ULK4: variants seen among roughly 807,000 people sequenced by gnomAD.
ULK4 encodes the protein unc-51 like kinase 4.
ULK4 carries 133 observed loss-of-function variants against 160.6 expected under a neutral mutation model. The observed-to-expected ratio is 0.83, with a 90% CI of 0.72 to 0.96. The LOEUF (loss-of-function observed/expected upper bound fraction) is 0.96, where lower values mean the gene tolerates loss of function less well. ULK4 is among the 40% of genes least tolerant of loss of function. ULK4 has a pLI of 0.00. For missense variants in ULK4, 1,580 were observed against 1,499.5 expected (o/e 1.05, Z -0.89); for synonymous variants, 534 against 539.8 (o/e 0.99, Z 0.15).
intron 30 of ULK4, among the ~76,000 whole-genome samples, chr3:41,657,047 TC>T: frequency 6.6e-6 from 1 of 152,030 alleles, no homozygotes; most frequent in Non-Finnish European, 1.5e-5. Flanking sequence ...AACACTTCCC[TC>T]CCAATGAAAC....
intron 21 of ULK4, among the ~76,000 whole-genome samples, chr3:41,773,244 T>C (rs1391047647): frequency 6.6e-6 from 1 of 152,132 alleles, no homozygotes; most frequent in African/African-American, 2.4e-5. Flanking sequence ...GAGAAGGAAA[T>C]AAAGGGCATT....
At chr3:41,645,966 T>C (rs993471644) in intron 30 of ULK4, among the ~76,000 whole-genome samples, 2 of 152,220 alleles carry the variant, frequency 1.3e-5, no homozygotes, top group Non-Finnish European at 2.9e-5. Context: ...TGGTCTCTTT[T>C]GATCTTTGTT....
chr3:41,637,594 T>C (rs934674386), intron 30 of ULK4, among the ~76,000 whole-genome samples: 1 of 152,202 alleles, frequency 6.6e-6, no homozygotes, highest in Non-Finnish European at 1.5e-5. Context: ...AGCTATAGTT[T>C]TATTTTTTGA....
At position 41,681,527 on chromosome 3, in the gene ULK4, G is replaced by C. The variant is rs374168486; in HGVS notation, c.2959C>G (p.Arg987Gly). ...ACTTACTGGGGAAGTAAGACATCTCGAATGAGAGCCAGAAGATTGCTGTCA... is the reference window on the plus strand; with the variant it reads ...ACTTACTGGGGAAGTAAGACATCTCCAATGAGAGCCAGAAGATTGCTGTCA... Reference protein sequence around the residue: ...DSDSNLLALIRDVLLPQYEHI... With the variant: ...DSDSNLLALIGDVLLPQYEHI... The change falls in exon 29 of 37, where the codon CGA becomes GGA. Residue 987 changes from arginine to glycine, a missense_variant. Arg to Gly is a moderately radical substitution (Grantham distance 125). Coordinates refer to ENST00000301831, the MANE Select transcript of ULK4 (RefSeq NM_017886.4). The C allele has an allele frequency of 7.4e-6, 12 of 1,613,818 alleles. No individual in the cohort carries two copies. Among genetic ancestry groups the C allele is most frequent in the Admixed American group, 3.3e-5 (2 of 59,958 alleles).
chr3:41,714,852 T>TAAAAAAAGAAAA (rs2037211632), intron 25 of ULK4, among the ~76,000 whole-genome samples: 1 of 131,358 alleles, frequency 7.6e-6, no homozygotes, highest in African/African-American at 3.3e-5. Flanking sequence ...ACTCTGTCTT[T>TAAAAAAAGAAAA]AAAAAAAAAA....
chr3:41,572,221 A>T (rs1474894799), intron 31 of ULK4, among the ~76,000 whole-genome samples: 1 of 152,174 alleles, frequency 6.6e-6, no homozygotes, highest in East Asian at 1.9e-4. Flanking sequence ...TAGTGATCAG[A>T]GGAGGGCAGA....
chr3:41,897,745 T>C (rs774817937), intron 14 of ULK4, among the ~76,000 whole-genome samples: 5 of 152,196 alleles, frequency 3.3e-5, no homozygotes, highest in Non-Finnish European at 7.4e-5. Context: ...TTATCAGTAA[T>C]TAAGTTGACC....
Position 41,473,700 on chromosome 3 carries a change from A to G in ULK4, c.3227-10447T>C, listed in dbSNP as rs537278367. Among the ~76,000 whole-genome samples, 6 of 151,158 alleles carry G rather than the reference A, an allele frequency of 4.0e-5. No individual in the cohort carries two copies. The South Asian group carries it at 1.0e-3, about 26-fold the overall frequency. On this transcript the variant is annotated intron_variant, in intron 32 of 36. Transcript: ENST00000301831. ...AAAAAAAAAAGAAGAACTAATAAAT[A>G]CAGTTAAATTTAACAAACTTTCTGA...
In ULK4 at chr3:41,508,390, G is replaced by A. The variant is rs60231851; in HGVS notation, c.3227-45137C>T. ...AAACAAAGGATATAATCTCTTGGGC[G>A]CTCTATGGCCCTGCCCACCACCTGA... is the stretch of plus-strand genomic sequence containing the variant. On this transcript the variant is annotated intron_variant, in intron 32 of 36. Transcript: ENST00000301831. Among the ~76,000 whole-genome samples, 187 of 152,180 alleles carry A rather than the reference G, an allele frequency of 1.2e-3. 3 individuals are homozygous for A. The East Asian group carries it at 0.015, about 12-fold the overall frequency.
At chr3:41,497,033 C>A (rs2085016472) in intron 32 of ULK4, among the ~76,000 whole-genome samples, 4 of 31,402 alleles carry the variant, frequency 1.3e-4, no homozygotes, top group Non-Finnish European at 1.4e-4. Flanking sequence ...GAAATGTAAC[C>A]CATAACCAAA....
chr3:41,932,178 T>G (rs1296376065), intron 4 of ULK4, among the ~76,000 whole-genome samples, 172 bp from the exon 5 acceptor site: 1 of 152,202 alleles, frequency 6.6e-6, no homozygotes, highest in African/African-American at 2.4e-5. Context: ...AAATCCAACT[T>G]TTTAATAATC....
chr3:41,629,363 A>G (rs934579916), intron 30 of ULK4, among the ~76,000 whole-genome samples: 1 of 152,186 alleles, frequency 6.6e-6, no homozygotes, highest in Non-Finnish European at 1.5e-5. Context: ...GCATCTATCT[A>G]TAGCTGCATT....
At chr3:41,320,815 G>A (rs984931953) in intron 35 of ULK4, among the ~76,000 whole-genome samples, 7 of 152,302 alleles carry the variant, frequency 4.6e-5, no homozygotes, top group Admixed American at 4.6e-4. Flanking sequence ...TACTCAGGAG[G>A]CTGAGGCAGG....
chr3:41,560,408 T>C (rs983860765), intron 32 of ULK4, among the ~76,000 whole-genome samples: 5 of 152,196 alleles, frequency 3.3e-5, no homozygotes, highest in Admixed American at 3.3e-4. Flanking sequence ...AGAAAGACAT[T>C]GGTAGTTTGA....
At chr3:41,300,267 C>G (rs958025715) in intron 35 of ULK4, among the ~76,000 whole-genome samples, 7 of 152,138 alleles carry the variant, frequency 4.6e-5, no homozygotes, top group Non-Finnish European at 8.8e-5. Flanking sequence ...CTGCAAAGAA[C>G]TAACTAAGGA....
intron 11 of ULK4, among the ~76,000 whole-genome samples, chr3:41,910,551 G>A (rs994666350): frequency 5.9e-5 from 9 of 151,746 alleles, no homozygotes; most frequent in South Asian, 2.1e-4. Context: ...AGCCAAGATC[G>A]CACCACTGCA....
At chr3:41,437,918 G>A (rs944532154) in intron 34 of ULK4, among the ~76,000 whole-genome samples, 4 of 152,068 alleles carry the variant, frequency 2.6e-5, no homozygotes, top group Non-Finnish European at 5.9e-5. Context: ...AGGAAGAGAA[G>A]GCCAGTGAGA....
At chr3:41,858,232 G>A (rs2042415786) in intron 17 of ULK4, among the ~76,000 whole-genome samples, 1 of 134,208 alleles carries the variant, frequency 7.5e-6, no homozygotes, top group Admixed American at 8.5e-5. Flanking sequence ...CTTACTGCAA[G>A]CCTCCACCAC....
chr3:41,821,978 C>A (rs1259690767), intron 18 of ULK4, among the ~76,000 whole-genome samples: 1 of 152,190 alleles, frequency 6.6e-6, no homozygotes, highest in Non-Finnish European at 1.5e-5. Flanking sequence ...ATACCCACTT[C>A]TCTCTCCTAA....
Sources: allele counts gnomAD v4.1 joint callset (sites outside exome capture counted in the v4.1 genomes callset), GRCh38; gene constraint gnomAD v4.1.1; transcripts MANE v1.5; gene names NCBI Gene and HGNC (gene_info 2026-07-23, HGNC 2026-07-21).